CADM2: variants seen among roughly 807,000 people sequenced by gnomAD.
CADM2 encodes the protein immunoglobulin superfamily member 4D.
A neutral mutation model predicts 49.8 loss-of-function variants in CADM2; 12 were observed. The observed-to-expected ratio is 0.24, with a 90% CI of 0.15 to 0.39. CADM2 has a LOEUF of 0.39. Among genes scored for constraint, CADM2 ranks in the 10% least tolerant of loss-of-function variants. The probability of loss-of-function intolerance (pLI) is 1.00; values close to 1 mark genes in which losing one functional copy is unlikely to be tolerated. For missense variants in CADM2, 378 were observed against 492.3 expected, an observed-to-expected ratio of 0.77 and a Z score of 2.20; for synonymous variants, 214 against 175.4, an observed-to-expected ratio of 1.22 and a Z score of -1.74.
chr3:85,480,546 T>C (rs2039169852), intron 1 of CADM2, among the ~76,000 whole-genome samples: 1 of 151,858 alleles, frequency 6.6e-6, no homozygotes, highest in African/African-American at 2.4e-5. Flanking sequence ...TGAGCTAATG[T>C]CTGTAACATC....
chr3:85,269,679 C>T (rs977124056), intron 1 of CADM2, among the ~76,000 whole-genome samples: 10 of 151,278 alleles, frequency 6.6e-5, no homozygotes, highest in African/African-American at 2.2e-4. Context: ...TCTCAGATCA[C>T]TATGTTCTAT....
At chr3:85,709,446 A>T (rs1487566416) in intron 1 of CADM2, among the ~76,000 whole-genome samples, 1 of 152,066 alleles carries the variant, frequency 6.6e-6, no homozygotes, top group Non-Finnish European at 1.5e-5. Flanking sequence ...CTTATAGTTT[A>T]TTTCTCTCTA....
intron 1 of CADM2, among the ~76,000 whole-genome samples, chr3:85,307,837 T>C (rs2107027753): frequency 6.6e-6 from 1 of 151,844 alleles, no homozygotes; most frequent in Non-Finnish European, 1.5e-5. Flanking sequence ...TATATTGTTA[T>C]TTGTTTCACA....
intron 1 of CADM2, among the ~76,000 whole-genome samples, chr3:85,117,504 A>T (rs534577418): frequency 4.7e-4 from 72 of 152,272 alleles, no homozygotes; most frequent in African/African-American, 1.7e-3. Context: ...AAAAAAGAGT[A>T]GGTGCTATAG....
chr3:85,061,410 C>T (rs1026658214), intron 1 of CADM2, among the ~76,000 whole-genome samples: 15 of 152,046 alleles, frequency 9.9e-5, no homozygotes, highest in African/African-American at 3.6e-4. Flanking sequence ...ACTAGATATC[C>T]TTTCAATGTT....
At chr3:86,065,772 T>C (rs969817775) in intron 9 of CADM2, 42 bp downstream of exon 9, 21 of 1,599,566 alleles carry the variant, frequency 1.3e-5, no homozygotes, top group Non-Finnish European at 1.8e-5. Flanking sequence ...GGGCAAAATA[T>C]TCTAGACTAA....
At chr3:85,124,668 TATTCAAAC>T (rs1443303121) in intron 1 of CADM2, among the ~76,000 whole-genome samples, 1 of 152,150 alleles carries the variant, frequency 6.6e-6, no homozygotes, top group African/African-American at 2.4e-5. Flanking sequence ...GTGGAAAATG[TATTCAAAC>T]ATTCAATTAC....
At chr3:84,965,544 T>G (rs2030909879) in intron 1 of CADM2, among the ~76,000 whole-genome samples, 1 of 152,218 alleles carries the variant, frequency 6.6e-6, no homozygotes, top group Admixed American at 6.5e-5. Context: ...CTACTAAAAC[T>G]ATCAACATTT....
At chr3:85,748,283 G>A (rs1577219740) in intron 2 of CADM2, among the ~76,000 whole-genome samples, 1 of 151,814 alleles carries the variant, frequency 6.6e-6, no homozygotes. Context: ...GTATTGAGAA[G>A]TTCATTTATA....
At chr3:85,814,548 C>A (rs1479852315) in intron 3 of CADM2, among the ~76,000 whole-genome samples, 4 of 151,804 alleles carry the variant, frequency 2.6e-5, no homozygotes, top group South Asian at 4.1e-4. Context: ...GATAGAGACA[C>A]AAAAACCCTT....
chr3:85,674,452 T>C lies in CADM2; in HGVS notation c.62-52070T>C, dbSNP rs563064668. Among the ~76,000 whole-genome samples, 9 of 152,268 alleles carry C rather than the reference T, an allele frequency of 5.9e-5. No homozygotes were observed. In the South Asian group the frequency reaches 1.9e-3, roughly 32 times the overall value. ...TAGAAACCTCGTAAAATCTCTAAGG[T>C]ATCTTGCAAAGAAGTCACCAGGAAT... On this transcript the variant is annotated intron_variant, in intron 1 of 9. Coordinates refer to ENST00000383699, the MANE Select transcript of CADM2 (RefSeq NM_001167675.2).
chr3:85,762,115 G>T (rs997043840), intron 2 of CADM2, among the ~76,000 whole-genome samples: 2 of 152,120 alleles, frequency 1.3e-5, no homozygotes, highest in East Asian at 3.9e-4. Flanking sequence ...ACAAACACGG[G>T]AAATCCTTTA....
At chr3:85,885,477 C>T (rs1240741481) in intron 4 of CADM2, among the ~76,000 whole-genome samples, 3 of 151,836 alleles carry the variant, frequency 2.0e-5, no homozygotes, top group Admixed American at 2.0e-4. Context: ...TCGAGACCAG[C>T]CTGGCCAACA....
intron 1 of CADM2, among the ~76,000 whole-genome samples, chr3:85,300,619 A>G (rs1002458704): frequency 2.0e-5 from 3 of 152,142 alleles, no homozygotes; most frequent in African/African-American, 7.2e-5. Flanking sequence ...TCAAGAAACT[A>G]GAGGTCAAGT....
chr3:85,267,614 G>A (rs2043149615), intron 1 of CADM2, among the ~76,000 whole-genome samples: 1 of 151,398 alleles, frequency 6.6e-6, no homozygotes, highest in Non-Finnish European at 1.5e-5. Context: ...ATGATGGCAG[G>A]GATTTTTTTT....
intron 1 of CADM2, among the ~76,000 whole-genome samples, chr3:85,505,421 G>T (rs1369712766): frequency 6.6e-6 from 1 of 152,134 alleles, no homozygotes; most frequent in African/African-American, 2.4e-5. Context: ...CACAGTAACA[G>T]CAAATAAACT....
At chr3:85,673,261 G>A (rs1479872633) in intron 1 of CADM2, among the ~76,000 whole-genome samples, 2 of 152,090 alleles carry the variant, frequency 1.3e-5, no homozygotes, top group African/African-American at 4.8e-5. Context: ...TTTCTTCCAA[G>A]TGTAAGAGAA....
In CADM2 at chr3:85,062,250, T is replaced by C. The variant is rs546481839; in HGVS notation, c.61+102582T>C. On this transcript the variant is annotated intron_variant, in intron 1 of 9. Transcript: ENST00000383699. ...GGCAATCAACACTGTGCTTTACTATTCTACCTGTAAAAGTTTTGGGGAATA... is the reference window on the plus strand; with the variant it reads ...GGCAATCAACACTGTGCTTTACTATCCTACCTGTAAAAGTTTTGGGGAATA... 1.1e-4 allele frequency among the ~76,000 whole-genome samples: 16 copies of C among 152,250 alleles called. No individual in the cohort carries two copies. The South Asian group carries it at 3.3e-3, about 32-fold the overall frequency.
At chr3:85,457,535 C>A (rs2038050701) in intron 1 of CADM2, among the ~76,000 whole-genome samples, 1 of 152,132 alleles carries the variant, frequency 6.6e-6, no homozygotes, top group Admixed American at 6.5e-5. Flanking sequence ...CCTGCTTTCT[C>A]TATACTATCA....
Sources: gnomAD v4.1 joint callset for allele counts (sites outside exome capture counted in the v4.1 genomes callset) on GRCh38, gnomAD v4.1.1 for gene constraint, MANE v1.5 for transcripts, NCBI Gene and HGNC (gene_info 2026-07-23, HGNC 2026-07-21) for gene names.